FHAD1: variants seen among roughly 807,000 people sequenced by gnomAD.
FHAD1 encodes forkhead-associated domain-containing protein 1.
Under a neutral mutation model 191.3 loss-of-function variants are expected in FHAD1, and 146 were observed. The observed-to-expected ratio is 0.76, with a 90% CI of 0.67 to 0.88. The LOEUF (loss-of-function observed/expected upper bound fraction) is 0.88. Among genes scored for constraint, FHAD1 ranks in the 40% least tolerant of loss-of-function variants. The probability of loss-of-function intolerance (pLI) is 0.00; values close to 1 mark genes in which losing one functional copy is unlikely to be tolerated. For synonymous variants in FHAD1, 616 were observed against 672.3 expected (o/e 0.92, Z 1.29); for missense variants, 1,635 against 1,785.8 (o/e 0.92, Z 1.52).
At chr1:15,384,724 C>T (rs1030061437) in intron 31 of FHAD1, among the ~76,000 whole-genome samples, 1 of 152,134 alleles carries the variant, frequency 6.6e-6, no homozygotes, top group African/African-American at 2.4e-5. Context: ...GAATTCACAA[C>T]GTAGGGAAAG....
chr1:15,350,592 G>A (rs1028641980), intron 19 of FHAD1, among the ~76,000 whole-genome samples: 3 of 152,164 alleles, frequency 2.0e-5, no homozygotes, highest in Non-Finnish European at 4.4e-5. Flanking sequence ...GGGCTAAAGG[G>A]TTCATTCTGG....
At chr1:15,243,481 C>T (rs80316321), upstream of FHAD1, among the ~76,000 whole-genome samples, 6 of 152,314 alleles carry the variant, frequency 3.9e-5, no homozygotes, top group East Asian at 3.9e-4. Context: ...CTCCTGGCCG[C>T]GGCTGGGGCC....
At chr1:15,396,906 TG>T (rs1294849070) in intron 33 of FHAD1, among the ~76,000 whole-genome samples, 3 of 150,860 alleles carry the variant, frequency 2.0e-5, no homozygotes, top group Non-Finnish European at 4.4e-5. Flanking sequence ...TAAATAAGGC[TG>T]GGTGCGGTGG....
At chr1:15,287,270 G>A (rs1662792809) in intron 3 of FHAD1, 1 of 152,302 alleles carries the variant, frequency 6.6e-6, no homozygotes, top group Non-Finnish European at 1.5e-5. Context: ...CTTCAAGTGG[G>A]CCAGTGTCAT....
At chr1:15,378,015 G>T (rs1392816566) in intron 28 of FHAD1, among the ~76,000 whole-genome samples, 1 of 150,956 alleles carries the variant, frequency 6.6e-6, no homozygotes, top group African/African-American at 2.4e-5. Context: ...GAAATATGAA[G>T]ACTTCAGGCC....
chr1:15,258,381 C>T (rs1051436292), intron 2 of FHAD1, among the ~76,000 whole-genome samples: 4 of 152,150 alleles, frequency 2.6e-5, no homozygotes, highest in Non-Finnish European at 5.9e-5. Context: ...GCTTATTTCA[C>T]TTGGCATAAT....
chr1:15,288,084 GA>G (rs1366986359), intron 3 of FHAD1, among the ~76,000 whole-genome samples: 1 of 152,182 alleles, frequency 6.6e-6, no homozygotes, highest in Non-Finnish European at 1.5e-5. Context: ...GAAAGAGAGA[GA>G]GAGAGAAGAA....
chr1:15,323,662 G>T (rs1574337001), intron 10 of FHAD1, among the ~76,000 whole-genome samples: 1 of 152,164 alleles, frequency 6.6e-6, no homozygotes, highest in Non-Finnish European at 1.5e-5. Flanking sequence ...CTCAGCAGAT[G>T]CCCAAAATGT....
intron 14 of FHAD1, chr1:15,334,177 A>G (rs6702685): frequency 0.36 from 54,807 of 151,810 alleles, 10,605 homozygotes; most frequent in African/African-American, 0.49. Context: ...AAAGTTGCCC[A>G]GAGTCACACA....
intron 26 of FHAD1, 101 bp from the exon 27 acceptor site, chr1:15,374,401 G>A: frequency 7.0e-7 from 1 of 1,420,032 alleles, no homozygotes; most frequent in Non-Finnish European, 9.5e-7. Context: ...AAGGTGCTAA[G>A]TGACTGGGTT....
At chr1:15,295,426 T>C (rs1046374180) in intron 4 of FHAD1, among the ~76,000 whole-genome samples, 56 of 152,216 alleles carry the variant, frequency 3.7e-4, no homozygotes, top group African/African-American at 1.3e-3. Context: ...TTGGATAACA[T>C]AGCAAGATCC....
intron 14 of FHAD1, among the ~76,000 whole-genome samples, chr1:15,332,258 CGTT>C (rs1183642964): frequency 1.3e-5 from 2 of 152,180 alleles, no homozygotes; most frequent in Non-Finnish European, 2.9e-5. Flanking sequence ...GCAGAGTTCT[CGTT>C]GTTCTTCAAG....
At chr1:15,392,735 T>C (rs1704518283) in intron 33 of FHAD1, among the ~76,000 whole-genome samples, 4 of 152,246 alleles carry the variant, frequency 2.6e-5, no homozygotes. Flanking sequence ...GATTTGTGCC[T>C]TTCTTTTCAA....
intron 6 of FHAD1, chr1:15,305,659 C>A: frequency 3.5e-6 from 1 of 286,630 alleles, no homozygotes; most frequent in Non-Finnish European, 7.1e-6. Flanking sequence ...GCCAGTATTT[C>A]CTGTGCTGTT....
chr1:15,385,700 A>G (rs974434799), intron 31 of FHAD1, among the ~76,000 whole-genome samples: 4 of 152,188 alleles, frequency 2.6e-5, no homozygotes, highest in Non-Finnish European at 5.9e-5. Flanking sequence ...AATTGAGCCT[A>G]GTAGTTTGGG....
intron 28 of FHAD1, among the ~76,000 whole-genome samples, chr1:15,377,152 C>T (rs1403881285): frequency 6.6e-6 from 1 of 152,002 alleles, no homozygotes. Context: ...CGTGTGCTGC[C>T]GCAGCTGGAT....
chr1:15,389,447 C>CAAAAAA (rs570569622), intron 32 of FHAD1, among the ~76,000 whole-genome samples: 932 of 54,184 alleles, frequency 0.017, 56 homozygotes, highest in Middle Eastern at 0.038. Flanking sequence ...GAACCTGTCT[C>CAAAAAA]AAAAAAAAAA....
chr1:15,326,830 C>T (rs148050766), intron 11 of FHAD1: 939 of 497,128 alleles, frequency 1.9e-3, no homozygotes, highest in Non-Finnish European at 3.0e-3. Flanking sequence ...CCACAGGCAT[C>T]GTTCGGGTTA....
chr1:15,333,824 C>CTTTTTTTTTTTTTTTTTTTT (rs55698715), intron 14 of FHAD1, among the ~76,000 whole-genome samples: 5 of 64,802 alleles, frequency 7.7e-5, no homozygotes, highest in Admixed American at 2.2e-4. Flanking sequence ...TTTTATTTAT[C>CTTTTTTTTTTTTTTTTTTTT]TTTTTTTTTT....
Sources: allele counts gnomAD v4.1 joint callset (sites outside exome capture counted in the v4.1 genomes callset), GRCh38; gene constraint gnomAD v4.1.1; transcripts MANE v1.5; gene names NCBI Gene and HGNC (gene_info 2026-07-23, HGNC 2026-07-21).